TMEM132B: variants seen among roughly 807,000 people sequenced by gnomAD.
The protein encoded by TMEM132B is transmembrane protein 132B.
Under a neutral mutation model 90.8 loss-of-function variants are expected in TMEM132B, and 18 were observed. The observed-to-expected ratio is 0.20, with a 90% CI of 0.14 to 0.29. The LOEUF is 0.29. TMEM132B is among the 10% of genes least tolerant of loss of function. The pLI is 1.00. For synonymous variants in TMEM132B, 504 were observed against 523.3 expected, an observed-to-expected ratio of 0.96 and a Z score of 0.50; for missense variants, 1,096 against 1,326.8, an observed-to-expected ratio of 0.83 and a Z score of 2.70.
At chr12:125,332,196 C>CT (rs1876797567) in intron 1 of TMEM132B, among the ~76,000 whole-genome samples, 1 of 152,086 alleles carries the variant, frequency 6.6e-6, no homozygotes, top group African/African-American at 2.4e-5. Flanking sequence ...GAACATGTTA[C>CT]TTAGTATGTT....
chr12:125,310,731 C>A (rs868010639), intron 1 of TMEM132B, among the ~76,000 whole-genome samples: 3 of 152,164 alleles, frequency 2.0e-5, no homozygotes, highest in Non-Finnish European at 2.9e-5. Flanking sequence ...TGACCTCCCC[C>A]CCAACAACAC....
intron 1 of TMEM132B, among the ~76,000 whole-genome samples, chr12:125,253,908 G>C (rs1383895010): frequency 6.6e-6 from 1 of 152,204 alleles, no homozygotes; most frequent in Non-Finnish European, 1.5e-5. Flanking sequence ...TCACTCTCTT[G>C]AACAATGTTG....
rs376831034 is a variant in TMEM132B, at chr12:125,355,987, G to A, written c.959+5644G>A. Among the ~76,000 whole-genome samples, 223 of 152,292 alleles carry A rather than the reference G, an allele frequency of 1.5e-3. 3 individuals carry two copies. The highest frequency in any genetic ancestry group is 3.5e-3 in the South Asian group (17 of 4,822). On this transcript the variant is annotated intron_variant, in intron 2 of 8. Coordinates refer to ENST00000682704, the MANE Select transcript of TMEM132B (RefSeq NM_001366854.1). ...CCCTTCAGCAAAGGGTCATCAAGTG[G>A]GGTTTGGAGGGGGCTGGGGGCTGGT...
At chr12:125,409,103 A>G (rs1377681675) in intron 2 of TMEM132B, among the ~76,000 whole-genome samples, 4 of 152,194 alleles carry the variant, frequency 2.6e-5, no homozygotes, top group Non-Finnish European at 5.9e-5. Context: ...ATGTGCTCAC[A>G]GGTACTCTCC....
At chr12:125,332,556 A>G (rs937434733) in intron 1 of TMEM132B, among the ~76,000 whole-genome samples, 3 of 126,092 alleles carry the variant, frequency 2.4e-5, no homozygotes, top group Admixed American at 8.8e-5. Context: ...CCCTTATGTC[A>G]TCTGAGAAAT....
intron 4 of TMEM132B, among the ~76,000 whole-genome samples, chr12:125,554,161 C>T (rs540587935): frequency 3.3e-5 from 5 of 152,096 alleles, no homozygotes; most frequent in Admixed American, 6.5e-5. Flanking sequence ...CGGTGGCTCA[C>T]GCCTGTAATC....
At chr12:125,476,073 G>A (rs559770290) in intron 3 of TMEM132B, among the ~76,000 whole-genome samples, 29 of 152,248 alleles carry the variant, frequency 1.9e-4, no homozygotes, top group African/African-American at 7.0e-4. Flanking sequence ...TAGCCAAAAA[G>A]TGTTAAAAGA....
intron 2 of TMEM132B, among the ~76,000 whole-genome samples, chr12:125,398,656 C>A (rs1879228928): frequency 6.6e-6 from 1 of 152,162 alleles, no homozygotes; most frequent in African/African-American, 2.4e-5. Flanking sequence ...AGTCAGAAAT[C>A]TGGGTTTTTA....
At chr12:125,372,142 G>A (rs1252661102) in intron 2 of TMEM132B, among the ~76,000 whole-genome samples, 2 of 152,142 alleles carry the variant, frequency 1.3e-5, no homozygotes, top group African/African-American at 2.4e-5. Context: ...TTTGGTTTTC[G>A]AGAATTTTAT....
chr12:125,652,372 G>T lies in TMEM132B; in HGVS notation c.1915-69G>T, dbSNP rs571118569. 3.8e-5 allele frequency: 55 copies of T among 1,433,734 alleles called. No homozygotes were observed. In the South Asian group the frequency reaches 7.9e-4, roughly 21 times the overall value. 88.8% of individuals were successfully genotyped at this position (1,433,734 alleles called of 1,614,324 possible). A position where few individuals can be genotyped will look rare whatever the true frequency, so the allele number is the denominator to read the frequency against. On this transcript the variant is annotated intron_variant, in intron 7 of 8. Transcript: ENST00000682704. ...GGGCTGGGAGAGCACTTTGTTGGGA[G>T]CCCCAGTTAAGGGATTCATGGTGCT... is the stretch of plus-strand genomic sequence containing the variant.
chr12:125,342,823 A>C (rs2136223037), intron 1 of TMEM132B, among the ~76,000 whole-genome samples: 1 of 152,270 alleles, frequency 6.6e-6, no homozygotes, highest in Non-Finnish European at 1.5e-5. Flanking sequence ...ACCGGCTGCC[A>C]CTGGTGGCCT....
chr12:125,318,836 C>T (rs1193077603), intron 1 of TMEM132B, among the ~76,000 whole-genome samples: 1 of 152,148 alleles, frequency 6.6e-6, no homozygotes, highest in East Asian at 1.9e-4. Context: ...CAGGTATGTT[C>T]ACTGTATTAT....
At chr12:125,202,212 T>A (rs1031251845) in intron 1 of TMEM132B, among the ~76,000 whole-genome samples, 15 of 152,244 alleles carry the variant, frequency 9.9e-5, no homozygotes, top group African/African-American at 3.6e-4. Context: ...GAAGAAGTCT[T>A]CCTTTTCTGT....
chr12:125,471,162 A>T (rs930459037), intron 3 of TMEM132B, among the ~76,000 whole-genome samples: 18 of 152,206 alleles, frequency 1.2e-4, no homozygotes, highest in Non-Finnish European at 2.2e-4. Context: ...CATTCACTTC[A>T]GGGGATTTGC....
At chr12:125,439,877 A>T (rs1276647289) in intron 3 of TMEM132B, among the ~76,000 whole-genome samples, 1 of 152,164 alleles carries the variant, frequency 6.6e-6, no homozygotes, top group Non-Finnish European at 1.5e-5. Flanking sequence ...TTGAGCATGA[A>T]TGGATGTTGA....
chr12:125,495,821 A>G (rs1280215301), intron 3 of TMEM132B, among the ~76,000 whole-genome samples: 1 of 152,240 alleles, frequency 6.6e-6, no homozygotes, highest in Non-Finnish European at 1.5e-5. Flanking sequence ...TGGGATTAGT[A>G]CATTTGGAAT....
rs1042597927 is a variant in TMEM132B, at chr12:125,445,907, C to A, written c.1106+30230C>A. ...ACCCACCAGCCTCAATCCTTCATCC[C>A]AGGATAGAGTTCCCTCCTTGCCTCG... On this transcript the variant is annotated intron_variant, in intron 3 of 8. Transcript: ENST00000682704. This position sits in a 1 kb window ranked among gnomAD's most constrained non-coding sequence, Gnocchi z 4.3. 2.0e-5 allele frequency among the ~76,000 whole-genome samples: 3 copies of A among 152,144 alleles called. No homozygotes were observed. The highest frequency in any genetic ancestry group is 7.2e-5 in the African/African-American group (3 of 41,436).
intron 5 of TMEM132B, among the ~76,000 whole-genome samples, chr12:125,617,363 G>C (rs376092859): frequency 2.1e-5 from 1 of 46,792 alleles, no homozygotes; most frequent in Non-Finnish European, 4.3e-5. Context: ...TTTTTTTTTT[G>C]AGACGGAATT....
At chr12:125,481,304 G>T (rs1347961152) in intron 3 of TMEM132B, among the ~76,000 whole-genome samples, 2 of 152,182 alleles carry the variant, frequency 1.3e-5, no homozygotes, top group Non-Finnish European at 2.9e-5. Context: ...TAGGAAAAGA[G>T]GAAGTCAAAT....
Sources: gnomAD v4.1 joint callset for allele counts (sites outside exome capture counted in the v4.1 genomes callset) on GRCh38, gnomAD v4.1.1 for gene constraint, Gnocchi (gnomAD v3.1) non-coding constraint, MANE v1.5 for transcripts, NCBI Gene and HGNC (gene_info 2026-07-23, HGNC 2026-07-21) for gene names.